Variants in MOB3B observed in about 807,000 individuals in gnomAD.
The protein encoded by MOB3B is MOB kinase activator-like 2B.
Under a neutral mutation model 18.7 loss-of-function variants are expected in MOB3B, and 7 were observed. The ratio of observed to expected loss-of-function variants is 0.37; its 90% CI spans 0.21 to 0.70. The LOEUF (loss-of-function observed/expected upper bound fraction) is 0.70, where lower values mean the gene tolerates loss of function less well. MOB3B is among the 30% of genes least tolerant of loss of function. The pLI is 0.52. For synonymous variants in MOB3B, 111 were observed against 99.9 expected, an observed-to-expected ratio of 1.11 and a Z score of -0.66; for missense variants, 253 against 281.3, an observed-to-expected ratio of 0.90 and a Z score of 0.72.
At chr9:27,487,295 A>G (rs181088106) in intron 1 of MOB3B, among the ~76,000 whole-genome samples, 20 of 152,282 alleles carry the variant, frequency 1.3e-4, no homozygotes, top group African/African-American at 4.8e-4. Flanking sequence ...ATCAGAAGGC[A>G]CATGTGTTTC....
intron 1 of MOB3B, among the ~76,000 whole-genome samples, chr9:27,459,618 C>T (rs1342425866): frequency 6.6e-6 from 1 of 150,854 alleles, no homozygotes; most frequent in African/African-American, 2.4e-5. Context: ...TGGGTATGTT[C>T]GAGAAAAAAA....
intron 1 of MOB3B, 51 bp downstream of exon 1, chr9:27,529,504 C>G (rs1820497791): frequency 1.0e-6 from 1 of 971,246 alleles, no homozygotes; most frequent in African/African-American, 1.8e-5. Flanking sequence ...CGGGAGCGAG[C>G]AGCCACCGGG....
intron 1 of MOB3B, among the ~76,000 whole-genome samples, chr9:27,509,608 G>A (rs1307544695): frequency 6.6e-6 from 1 of 151,780 alleles, no homozygotes; most frequent in Non-Finnish European, 1.5e-5. Flanking sequence ...GTAGAGATGA[G>A]TTTTCACCAT....
chr9:27,347,340 A>G (rs1821042306), intron 3 of MOB3B, among the ~76,000 whole-genome samples: 1 of 152,250 alleles, frequency 6.6e-6, no homozygotes, highest in African/African-American at 2.4e-5. Flanking sequence ...TGGGAAAAGT[A>G]AGACCTTTCA....
chr9:27,440,561 T>A (rs187893081), intron 2 of MOB3B, among the ~76,000 whole-genome samples: 2 of 152,212 alleles, frequency 1.3e-5, no homozygotes, highest in African/African-American at 4.8e-5. Context: ...GCAAGGTGAA[T>A]AACTGGTGGT....
At chr9:27,331,367 G>A (rs1820788255) in intron 3 of MOB3B, among the ~76,000 whole-genome samples, 1 of 152,122 alleles carries the variant, frequency 6.6e-6, no homozygotes, top group Non-Finnish European at 1.5e-5. Flanking sequence ...TACCTGCTGG[G>A]AGACCTTCCC....
intron 2 of MOB3B, among the ~76,000 whole-genome samples, chr9:27,373,003 A>C (rs1259403376): frequency 1.3e-5 from 2 of 152,212 alleles, no homozygotes; most frequent in Non-Finnish European, 2.9e-5. Flanking sequence ...TTCTAAAGAA[A>C]ATGTTTATAT....
intron 3 of MOB3B, among the ~76,000 whole-genome samples, chr9:27,355,261 G>T (rs1821168308): frequency 6.6e-6 from 1 of 152,154 alleles, no homozygotes; most frequent in South Asian, 2.1e-4. Flanking sequence ...AGGGAAAGAT[G>T]AGGTGGTGGG....
intron 2 of MOB3B, among the ~76,000 whole-genome samples, chr9:27,366,926 G>T (rs559197615): frequency 6.6e-6 from 1 of 152,292 alleles, no homozygotes; most frequent in South Asian, 2.1e-4. Flanking sequence ...CCTGGCATCT[G>T]TTATTCTGCT....
chr9:27,337,311 C>A (rs910492316), intron 3 of MOB3B, among the ~76,000 whole-genome samples: 8 of 152,224 alleles, frequency 5.3e-5, no homozygotes, highest in African/African-American at 1.9e-4. Flanking sequence ...CCAGATTGTA[C>A]CCATATTTCA....
Position 27,455,745 on chromosome 9 carries a change from T to C in MOB3B, c.-195A>G. The C allele has an allele frequency of 7.0e-7, 1 of 1,437,440 alleles. No homozygotes were observed. Among genetic ancestry groups the C allele is most frequent in the African/African-American group, 1.4e-5 (1 of 69,900 alleles). The allele number at this position is 1,437,440 out of a possible 1,614,324, so 89.0% of individuals were successfully genotyped here. A position where few individuals can be genotyped will look rare whatever the true frequency, so the allele number is the denominator to read the frequency against. ...TGATTTCCAAGGGAACCTCATGTTC[T>C]TTCCTAAAGGTAGAAGAGAAAAGGG... On this transcript the variant is annotated 5_prime_UTR_variant, in exon 2 of 4. Transcript: ENST00000262244.
At chr9:27,435,591 ATTTG>A (rs1373621573) in intron 2 of MOB3B, among the ~76,000 whole-genome samples, 97 of 152,008 alleles carry the variant, frequency 6.4e-4, no homozygotes, top group African/African-American at 1.7e-3. Flanking sequence ...TCTTTTATTT[ATTTG>A]TTTGTTTATT....
At chr9:27,371,603 A>T (rs1403733509) in intron 2 of MOB3B, among the ~76,000 whole-genome samples, 1 of 152,240 alleles carries the variant, frequency 6.6e-6, no homozygotes, top group Admixed American at 6.5e-5. Flanking sequence ...ATTTACTTGA[A>T]TATGTCTTAA....
chr9:27,508,138 G>A (rs1053254004), intron 1 of MOB3B, among the ~76,000 whole-genome samples: 2 of 152,110 alleles, frequency 1.3e-5, no homozygotes, highest in African/African-American at 2.4e-5. Context: ...TCTGTGATAC[G>A]TACTCAGGAT....
At chr9:27,510,657 TG>T (rs1396370066) in intron 1 of MOB3B, among the ~76,000 whole-genome samples, 2 of 152,250 alleles carry the variant, frequency 1.3e-5, no homozygotes, top group African/African-American at 2.4e-5. Context: ...ATCTTTCTTT[TG>T]TGGAGCTTTT....
rs147617473 is a variant in MOB3B, at chr9:27,432,372, G to A, written c.418+22761C>T. 4.7e-3 allele frequency among the ~76,000 whole-genome samples: 719 copies of A among 152,250 alleles called. 7 individuals are homozygous for A. Among genetic ancestry groups the A allele is most frequent in the African/African-American group, 0.017 (700 of 41,550 alleles). ...ACTGGAATAATCTGCAAATGTAAAA[G>A]TTCTATTCAGTATTGTCATAGTAGT... On this transcript the variant is annotated intron_variant, in intron 2 of 3. Coordinates refer to ENST00000262244, the MANE Select transcript of MOB3B (RefSeq NM_024761.5).
intron 1 of MOB3B, among the ~76,000 whole-genome samples, chr9:27,474,246 A>G (rs1396772579): frequency 6.6e-6 from 1 of 152,210 alleles, no homozygotes; most frequent in Non-Finnish European, 1.5e-5. Flanking sequence ...TCCTCCAACC[A>G]TATCTAGTAA....
intron 2 of MOB3B, among the ~76,000 whole-genome samples, chr9:27,391,281 T>C (rs1016935861): frequency 6.6e-6 from 1 of 152,218 alleles, no homozygotes; most frequent in African/African-American, 2.4e-5. Context: ...TCTTCAGTAA[T>C]AATCTTCTTT....
intron 2 of MOB3B, among the ~76,000 whole-genome samples, chr9:27,390,482 G>A (rs545353443): frequency 1.2e-3 from 177 of 152,298 alleles, no homozygotes; most frequent in African/African-American, 3.8e-3. Flanking sequence ...GATTATAGGC[G>A]TGAGCCACCG....
Sources: allele counts gnomAD v4.1 joint callset (sites outside exome capture counted in the v4.1 genomes callset), GRCh38; gene constraint gnomAD v4.1.1; transcripts MANE v1.5; gene names NCBI Gene and HGNC (gene_info 2026-07-23, HGNC 2026-07-21).